The following TRANK1 variants were observed in gnomAD, a reference collection of about 807,000 sequenced individuals.
TRANK1 encodes TPR and ankyrin repeat-containing protein 1.
A neutral mutation model predicts 266.0 loss-of-function variants in TRANK1; 198 were observed. That is an observed-to-expected ratio of 0.74 (90% CI 0.66 to 0.84). TRANK1 has a LOEUF of 0.84. Among genes scored for constraint, TRANK1 ranks in the 40% least tolerant of loss-of-function variants. The pLI is 0.00. For synonymous variants in TRANK1, 1,396 were observed against 1,384.1 expected, an observed-to-expected ratio of 1.01 and a Z score of -0.19; for missense variants, 3,326 against 3,634.6, an observed-to-expected ratio of 0.92 and a Z score of 2.18.
intron 8 of TRANK1, among the ~76,000 whole-genome samples, chr3:36,881,878 C>G (rs995396639): frequency 2.0e-5 from 3 of 152,192 alleles, no homozygotes; most frequent in Admixed American, 2.0e-4. Context: ...CTTCTTTCAC[C>G]TAGCATAACG....
Position 36,857,298 on chromosome 3 carries a change from C to A in TRANK1, c.2424G>T (p.Lys808Asn). 6.2e-7 allele frequency: 1 copy of A among 1,609,392 alleles called. No homozygotes were observed. The highest frequency in any genetic ancestry group is 8.5e-7 in the Non-Finnish European group (1 of 1,177,690). The change falls in exon 13 of 24, where the codon AAG (lysine) becomes AAT (asparagine). Residue 808 changes from lysine to asparagine, a missense_variant. Transcript: ENST00000645898. This position sits in a 1 kb window ranked among gnomAD's most constrained non-coding sequence, Gnocchi z 4.3. ...LQLVPDDNRG[K>N]EGNDDQDDWS... is the part of the protein sequence containing the mutation. ...AGTCATCCTGATCATCATTGCCCTC[C>A]TTCCCCCTGTTATCATCAGGCACAA...
At position 36,857,362 on chromosome 3, in the gene TRANK1, C is replaced by T; in HGVS notation, c.2360G>A (p.Gly787Glu). Reference protein sequence around the residue: ...GAGAPDCSEVGEGHAQVGLGA... With the variant: ...GAGAPDCSEVEEGHAQVGLGA... The stretch of plus-strand genomic sequence containing the variant: ...AAGGCCCACCTGAGCATGTCCTTCC[C>T]CCACCTCACTACAGTCAGGGGCCCC... Residue 787 changes from glycine (G) to glutamate (E), a missense_variant, in exon 13 of 24, where the codon GGG becomes GAG. Coordinates refer to ENST00000645898, the MANE Select transcript of TRANK1 (RefSeq NM_001329998.2). The surrounding 1 kb of genome is among the most constrained non-coding windows in gnomAD (Gnocchi z 4.3). 2 of 1,607,220 alleles carry T rather than the reference C, an allele frequency of 1.2e-6. No homozygotes were observed. The highest frequency in any genetic ancestry group is 1.1e-5 in the South Asian group (1 of 89,716).
At chr3:36,911,727 G>T (rs560002677) in intron 1 of TRANK1, among the ~76,000 whole-genome samples, 5 of 152,156 alleles carry the variant, frequency 3.3e-5, no homozygotes, top group Admixed American at 3.3e-4. Context: ...TGGCTCCGTT[G>T]TTGGGTCTTT....
rs2079134506 is a variant in TRANK1, at chr3:36,860,991, G to T, written c.1410C>A (p.Asp470Glu). Reference protein sequence around the residue: ...DCLIKDCNFSDLDICTIIPHL... With the variant: ...DCLIKDCNFSELDICTIIPHL... ...GGGGGATGATGGTACAGATGTCGAGGTCTGAGAAGTTGCAGTCTTTGATGA... is the reference window on the plus strand; with the variant it reads ...GGGGGATGATGGTACAGATGTCGAGTTCTGAGAAGTTGCAGTCTTTGATGA... The change falls in exon 11 of 24, where the codon GAC becomes GAA. Residue 470 changes from aspartate to glutamate, a missense_variant. Physicochemically the swap from Asp to Glu is conservative, Grantham distance 45. Coordinates refer to ENST00000645898, the MANE Select transcript of TRANK1 (RefSeq NM_001329998.2). The T allele has an allele frequency of 2.0e-6, 3 of 1,537,844 alleles. No individual in the cohort carries two copies. In the East Asian group the frequency reaches 7.3e-5, roughly 38 times the overall value.
rs1436683434 is a variant in TRANK1, at chr3:36,874,143, C to T, written c.1061G>A (p.Cys354Tyr). Residue 354 changes from cysteine (C) to tyrosine (Y), a missense_variant, in exon 9 of 24, where the codon TGT becomes TAT. Cys to Tyr is a radical substitution (Grantham distance 194). Coordinates refer to ENST00000645898, the MANE Select transcript of TRANK1 (RefSeq NM_001329998.2). ...AGCTGTACCTGATAGGTCCTTAGAA[C>T]ACGTAGCTAGCTTTTCTAAGTGACT... is the stretch of plus-strand genomic sequence containing the variant. ...INSHLEKLATCSKDLSGFSNG... is the reference protein window; with the variant it reads ...INSHLEKLATYSKDLSGFSNG... The T allele has an allele frequency of 6.5e-7, 1 of 1,537,150 alleles. No homozygotes were observed. The highest frequency in any genetic ancestry group is 1.2e-5 in the South Asian group (1 of 84,016).
chr3:36,833,396 C>T lies in TRANK1; in HGVS notation c.6187G>A (p.Val2063Met), dbSNP rs1451064665. ...CTGGCTGCTTCGTAGAGTGCTTCCA[C>T]CACTCCAGCTGAGTGGTTGAGCGTG... Reference protein sequence around the residue: ...FDTLNHSAGVVEALYEAASQC... With the variant: ...FDTLNHSAGVMEALYEAASQC... Residue 2063 changes from valine (V) to methionine (M), a missense_variant, in exon 22 of 24, where the codon GTG becomes ATG. By Grantham distance (21) the Val-to-Met change is conservative. Coordinates refer to ENST00000645898, the MANE Select transcript of TRANK1 (RefSeq NM_001329998.2). The T allele has an allele frequency of 1.2e-6, 2 of 1,613,886 alleles. No individual in the cohort carries two copies. Among genetic ancestry groups the T allele is most frequent in the South Asian group, 2.2e-5 (2 of 91,064 alleles).
chr3:36,932,182 G>A (rs1191620247), intron 1 of TRANK1, among the ~76,000 whole-genome samples: 5 of 152,140 alleles, frequency 3.3e-5, no homozygotes, highest in African/African-American at 1.2e-4. Context: ...ATATCGAAAG[G>A]CACTGAAAAT....
chr3:36,867,884 T>C (rs2079249339), intron 9 of TRANK1, among the ~76,000 whole-genome samples: 1 of 152,264 alleles, frequency 6.6e-6, no homozygotes, highest in African/African-American at 2.4e-5. Flanking sequence ...CCGGGGACAC[T>C]GTGTGGAGTT....
intron 14 of TRANK1, 98 bp from the exon 15 acceptor site, chr3:36,851,954 G>A: frequency 6.9e-7 from 1 of 1,456,618 alleles, no homozygotes; most frequent in East Asian, 2.5e-5. Context: ...AAAGAGAAAT[G>A]GCCAGCATAA....
At chr3:36,884,307 G>A (rs2079571272) in intron 8 of TRANK1, among the ~76,000 whole-genome samples, 1 of 152,200 alleles carries the variant, frequency 6.6e-6, no homozygotes, top group Admixed American at 6.5e-5. Context: ...CCTAGTACCA[G>A]ATCTTGTTTC....
intron 3 of TRANK1, among the ~76,000 whole-genome samples, chr3:36,901,101 G>GTTTTTTTTTTTTTTTT (rs55801006): frequency 7.3e-6 from 1 of 136,990 alleles, no homozygotes; most frequent in Non-Finnish European, 1.6e-5. Context: ...ATTCAAGGTT[G>GTTTTTTTTTTTTTTTT]TTTTTTTTTT....
At chr3:36,942,798 G>A (rs1223707754) in intron 1 of TRANK1, among the ~76,000 whole-genome samples, 1 of 151,822 alleles carries the variant, frequency 6.6e-6, no homozygotes, top group African/African-American at 2.4e-5. Context: ...GGAGAGCGGC[G>A]GAAACAGAAC....
intron 1 of TRANK1, among the ~76,000 whole-genome samples, chr3:36,934,822 C>T (rs533930891): frequency 5.9e-5 from 9 of 152,322 alleles, no homozygotes; most frequent in African/African-American, 1.9e-4. Context: ...CAGCTGTTCT[C>T]GAGCTCATTC....
chr3:36,902,848 G>A (rs900950889), intron 3 of TRANK1, among the ~76,000 whole-genome samples: 2 of 152,240 alleles, frequency 1.3e-5, no homozygotes, highest in Admixed American at 6.5e-5. Context: ...CCACTAGGAG[G>A]CCAAGCTCTG....
intron 8 of TRANK1, among the ~76,000 whole-genome samples, chr3:36,875,797 T>C (rs963378593): frequency 6.6e-6 from 1 of 152,240 alleles, no homozygotes; most frequent in East Asian, 1.9e-4. Flanking sequence ...TTAACAATTA[T>C]AGAAATTTCA....
intron 1 of TRANK1, among the ~76,000 whole-genome samples, chr3:36,927,659 CA>C (rs1253994841): frequency 6.6e-6 from 1 of 152,212 alleles, no homozygotes; most frequent in Non-Finnish European, 1.5e-5. Context: ...CTCTGCACGC[CA>C]CTGGCCCAGT....
Position 36,827,282 on chromosome 3 carries a change from C to T in TRANK1, c.*993G>A, listed in dbSNP as rs891796158. The T allele has an allele frequency of 6.6e-6, 1 of 152,286 alleles. No individual in the cohort carries two copies. Among genetic ancestry groups the T allele is most frequent in the African/African-American group, 2.4e-5 (1 of 41,452 alleles). 9.4% of individuals were successfully genotyped at this position (152,286 alleles called of 1,614,324 possible). A position where few individuals can be genotyped will look rare whatever the true frequency, so the allele number is the denominator to read the frequency against. Reference sequence around the variant, plus strand: ...AGGCCTGCCAGCCAAGTGGCAGTGACGGATTTGGCTTAGCTGGCTCCCTCC... The same window carrying T: ...AGGCCTGCCAGCCAAGTGGCAGTGATGGATTTGGCTTAGCTGGCTCCCTCC... On this transcript the variant is annotated 3_prime_UTR_variant, in exon 24 of 24. Coordinates refer to ENST00000645898, the MANE Select transcript of TRANK1 (RefSeq NM_001329998.2).
chr3:36,944,710 G>T, intron 1 of TRANK1, 77 bp downstream of exon 1: 1 of 1,476,868 alleles, frequency 6.8e-7, no homozygotes, highest in South Asian at 1.2e-5. Flanking sequence ...GTCCCCGCGC[G>T]CGGCCGCCTC....
intron 1 of TRANK1, among the ~76,000 whole-genome samples, chr3:36,944,570 C>G (rs1450909852): frequency 2.6e-5 from 4 of 152,106 alleles, no homozygotes; most frequent in African/African-American, 9.7e-5. Context: ...CTGGTCCCTC[C>G]GGACCGAAAA....
Sources: allele counts gnomAD v4.1 joint callset (sites outside exome capture counted in the v4.1 genomes callset), GRCh38; gene constraint gnomAD v4.1.1; non-coding constraint Gnocchi (gnomAD v3.1); transcripts MANE v1.5; gene names NCBI Gene and HGNC (gene_info 2026-07-23, HGNC 2026-07-21).